The following MYO3B variants were observed in gnomAD, a reference collection of about 807,000 sequenced individuals.
MYO3B encodes myosin-IIIb.
MYO3B carries 156 observed loss-of-function variants against 174.6 expected under a neutral mutation model. That is an observed-to-expected ratio of 0.89 (90% CI 0.78 to 1.02). The LOEUF (loss-of-function observed/expected upper bound fraction) is 1.02, where lower values mean the gene tolerates loss of function less well. Ranked by LOEUF, MYO3B falls within the 50% of genes least tolerant of loss-of-function variation. The pLI is 0.00. For missense variants in MYO3B, 1,632 were observed against 1,639.4 expected (o/e 1.00, Z 0.08); for synonymous variants, 563 against 569.1 (o/e 0.99, Z 0.15).
chr2:170,576,658 C>T (rs1354105690), intron 32 of MYO3B, among the ~76,000 whole-genome samples: 4 of 152,158 alleles, frequency 2.6e-5, no homozygotes, highest in African/African-American at 4.8e-5. Flanking sequence ...TACATACTTG[C>T]GCATTAAAAC....
intron 30 of MYO3B, among the ~76,000 whole-genome samples, chr2:170,535,798 A>G (rs1488222371): frequency 6.6e-6 from 1 of 152,182 alleles, no homozygotes; most frequent in Admixed American, 6.5e-5. Context: ...CCACACCACA[A>G]ATTCCACCTG....
chr2:170,451,930 T>C (rs73023288), intron 23 of MYO3B, among the ~76,000 whole-genome samples: 2,290 of 152,268 alleles, frequency 0.015, 52 homozygotes, highest in African/African-American at 0.052. Flanking sequence ...AAGAAGACAG[T>C]ACAACGCTTT....
In MYO3B at chr2:170,542,957, T is replaced by C. The variant is rs1312827877; in HGVS notation, c.3627T>C (p.His1209=). The change falls in exon 31 of 35, where the codon CAT becomes CAC. Residue 1209 remains histidine, a synonymous_variant. Coordinates refer to ENST00000408978, the MANE Select transcript of MYO3B (RefSeq NM_138995.5). ...AAGGGTGCGATATCTTCGCAGGACA[T>C]GCAAACAAGGTAGCTGGATATCTTG... is the stretch of plus-strand genomic sequence containing the variant. ...SPKGCDIFAG[H]ANKHSVSGTD... 5 of 1,609,608 alleles carry C rather than the reference T, an allele frequency of 3.1e-6. No homozygotes were observed. In the African/African-American group the frequency reaches 5.3e-5, roughly 17 times the overall value.
intron 25 of MYO3B, among the ~76,000 whole-genome samples, chr2:170,477,621 A>G (rs1685398038): frequency 6.6e-6 from 1 of 151,536 alleles, no homozygotes; most frequent in South Asian, 2.1e-4. Context: ...TGTGTTATTG[A>G]CATTTTGGAC....
Position 170,514,987 on chromosome 2 carries a change from A to G in MYO3B, c.3437A>G (p.Glu1146Gly), listed in dbSNP as rs760306876. Residue 1146 changes from glutamate to glycine, a missense_variant, in exon 29 of 35, where the codon GAG (glutamate) becomes GGG (glycine). Coordinates refer to ENST00000408978, the MANE Select transcript of MYO3B (RefSeq NM_138995.5). Reference sequence around the variant, plus strand: ...GCAGCAGGTACGAGGGGAAGTGCCGAGGTTCAAGACTGCAGCGAGCCTGGT... The same window carrying G: ...GCAGCAGGTACGAGGGGAAGTGCCGGGGTTCAAGACTGCAGCGAGCCTGGT... ...PVAAGTRGSA[E>G]VQDCSEPGDH... The G allele has an allele frequency of 2.5e-6, 4 of 1,614,102 alleles. No homozygotes were observed. The South Asian group carries it at 4.4e-5, about 18-fold the overall frequency.
intron 6 of MYO3B, among the ~76,000 whole-genome samples, chr2:170,226,643 G>A (rs2092955042): frequency 6.6e-6 from 1 of 152,130 alleles, no homozygotes; most frequent in Non-Finnish European, 1.5e-5. Flanking sequence ...TCTGGAGGAG[G>A]TGGTGATATG....
intron 25 of MYO3B, among the ~76,000 whole-genome samples, chr2:170,485,187 TA>T (rs1458690197): frequency 6.6e-6 from 1 of 152,152 alleles, no homozygotes; most frequent in Non-Finnish European, 1.5e-5. Flanking sequence ...CCCATTACAA[TA>T]AAACCATAAC....
chr2:170,504,803 G>A (rs949744693), intron 28 of MYO3B, among the ~76,000 whole-genome samples: 7 of 152,038 alleles, frequency 4.6e-5, no homozygotes, highest in African/African-American at 1.7e-4. Flanking sequence ...AATCTGCCTG[G>A]CTAATTATTG....
At chr2:170,483,323 C>T (rs1685812722) in intron 25 of MYO3B, among the ~76,000 whole-genome samples, 1 of 151,494 alleles carries the variant, frequency 6.6e-6, no homozygotes, top group Admixed American at 6.6e-5. Context: ...ATTTGCTTGC[C>T]CAGCTTACTC....
At chr2:170,179,387 G>A (rs1247432133) in intron 1 of MYO3B, among the ~76,000 whole-genome samples, 1 of 152,086 alleles carries the variant, frequency 6.6e-6, no homozygotes, top group African/African-American at 2.4e-5. Context: ...CTACTCTTAC[G>A]TCTTTACCAT....
At chr2:170,511,902 G>A (rs1250422935) in intron 28 of MYO3B, among the ~76,000 whole-genome samples, 1 of 152,176 alleles carries the variant, frequency 6.6e-6, no homozygotes, top group Non-Finnish European at 1.5e-5. Context: ...TAAATTTTAA[G>A]AAAGAAATCC....
At chr2:170,354,270 C>CT (rs954811536) in intron 8 of MYO3B, among the ~76,000 whole-genome samples, 3 of 151,964 alleles carry the variant, frequency 2.0e-5, no homozygotes, top group Non-Finnish European at 4.4e-5. Flanking sequence ...GTTCTGGTTC[C>CT]TTTTTTTTGT....
chr2:170,251,651 T>C (rs2093254928), intron 7 of MYO3B, among the ~76,000 whole-genome samples: 1 of 152,154 alleles, frequency 6.6e-6, no homozygotes, highest in South Asian at 2.1e-4. Context: ...GAAGGATCCT[T>C]CCCTTACAGG....
Position 170,608,709 on chromosome 2 carries a change from A to AGG in MYO3B, c.3734-42919_3734-42918insGG, listed in dbSNP as rs147197641. Among the ~76,000 whole-genome samples, 8 of 152,018 alleles carry AGG rather than the reference A, an allele frequency of 5.3e-5. No homozygotes were observed. In the East Asian group the frequency reaches 1.5e-3, roughly 29 times the overall value. ...ACAGACAGACAGACAGACAGAGAGT[A>AGG]TGTGTGTGTGTGTTTCAGCACTTCC... On this transcript the variant is annotated intron_variant, in intron 32 of 34. Transcript: ENST00000408978.
intron 7 of MYO3B, among the ~76,000 whole-genome samples, chr2:170,259,830 A>T (rs6711872): frequency 0.81 from 122,587 of 152,070 alleles, 51,035 homozygotes; most frequent in East Asian, 0.95. Flanking sequence ...ACAAAGGTCA[A>T]ATATCCAGAA....
intron 3 of MYO3B, among the ~76,000 whole-genome samples, chr2:170,214,110 T>A (rs1292919243): frequency 3.9e-5 from 6 of 152,246 alleles, no homozygotes; most frequent in Admixed American, 3.3e-4. Context: ...TATATTTTAT[T>A]TTTATTTTAT....
At chr2:170,591,260 C>T (rs1693803949) in intron 32 of MYO3B, among the ~76,000 whole-genome samples, 1 of 152,174 alleles carries the variant, frequency 6.6e-6, no homozygotes, top group African/African-American at 2.4e-5. Context: ...GTGTCTGCAA[C>T]TTCAGACCTT....
chr2:170,593,553 C>T (rs1441849962), intron 32 of MYO3B, among the ~76,000 whole-genome samples: 1 of 152,234 alleles, frequency 6.6e-6, no homozygotes, highest in Non-Finnish European at 1.5e-5. Flanking sequence ...AGCTGATAAG[C>T]AGATCTGAAT....
At chr2:170,433,300 T>C (rs1457684221) in intron 22 of MYO3B, among the ~76,000 whole-genome samples, 1 of 152,004 alleles carries the variant, frequency 6.6e-6, no homozygotes, top group African/African-American at 2.4e-5. Context: ...ATATGCTGGG[T>C]TTACTTAGGA....
Sources: allele counts gnomAD v4.1 joint callset (sites outside exome capture counted in the v4.1 genomes callset), GRCh38; gene constraint gnomAD v4.1.1; transcripts MANE v1.5; gene names NCBI Gene and HGNC (gene_info 2026-07-23, HGNC 2026-07-21).